NALCN: variants seen among roughly 807,000 people sequenced by gnomAD.
NALCN encodes the protein sodium leak channel, non-selective.
Under a neutral mutation model 225.3 loss-of-function variants are expected in NALCN, and 111 were observed. The ratio of observed to expected loss-of-function variants is 0.49; its 90% CI spans 0.42 to 0.58. The LOEUF is 0.58. NALCN is among the 20% of genes least tolerant of loss of function. NALCN has a pLI of 0.00. For synonymous variants in NALCN, 764 were observed against 769.0 expected, an observed-to-expected ratio of 0.99 and a Z score of 0.11; for missense variants, 1,378 against 2,202.4, an observed-to-expected ratio of 0.63 and a Z score of 7.49.
chr13:101,196,927 T>G (rs1253141045), intron 13 of NALCN, among the ~76,000 whole-genome samples: 1 of 152,194 alleles, frequency 6.6e-6, no homozygotes, highest in East Asian at 1.9e-4. Context: ...CTTCCTGTAC[T>G]CTTGAAGCTT....
intron 15 of NALCN, among the ~76,000 whole-genome samples, chr13:101,152,563 T>G (rs2037703936): frequency 6.6e-6 from 1 of 152,192 alleles, no homozygotes. Context: ...AAGGCTAAGC[T>G]AACCAACAAC....
At chr13:101,136,778 T>C (rs1204349072) in intron 17 of NALCN, among the ~76,000 whole-genome samples, 4 of 152,236 alleles carry the variant, frequency 2.6e-5, no homozygotes, top group African/African-American at 9.6e-5. Context: ...TGTGCATGTG[T>C]CTTTATAGCA....
At chr13:101,095,461 A>C (rs1404277619) in intron 28 of NALCN, 113 bp downstream of exon 28, 1 of 804,088 alleles carries the variant, frequency 1.2e-6, no homozygotes, top group Non-Finnish European at 1.9e-6. Context: ...ACTTAAGATC[A>C]TTTTAACATC....
intron 18 of NALCN, chr13:101,117,075 C>CCTG: frequency 2.2e-6 from 1 of 445,714 alleles, no homozygotes; most frequent in Non-Finnish European, 4.5e-6. Flanking sequence ...CAGCCCTATC[C>CCTG]TGAGTAAATG....
chr13:101,057,860 G>T, intron 43 of NALCN, 79 bp downstream of exon 43: 1 of 1,133,120 alleles, frequency 8.8e-7, no homozygotes, highest in Non-Finnish European at 1.3e-6. Context: ...CATTTTGAAA[G>T]GCAAGACCCA....
chr13:101,383,162 C>T (rs2046896577), intron 3 of NALCN, among the ~76,000 whole-genome samples: 1 of 152,172 alleles, frequency 6.6e-6, no homozygotes, highest in Non-Finnish European at 1.5e-5. Flanking sequence ...CCAACCTTTC[C>T]TTCCAGAGTG....
intron 17 of NALCN, among the ~76,000 whole-genome samples, chr13:101,131,760 G>A (rs1255495569): frequency 1.3e-5 from 2 of 152,116 alleles, no homozygotes; most frequent in African/African-American, 4.8e-5. Context: ...GTGGATTACC[G>A]AGTTTTATGG....
At position 101,237,742 on chromosome 13, in the gene NALCN, T is replaced by C; in HGVS notation, c.1434+13A>G. 6.5e-7 allele frequency: 1 copy of C among 1,545,078 alleles called. No individual in the cohort carries two copies. Among genetic ancestry groups the C allele is most frequent in the South Asian group, 1.3e-5 (1 of 77,720 alleles). ...ATAAATTTCTAAAGACAAATAGGCA[T>C]TATTTTTATTACCTGAAAGTACGTG... On this transcript the variant is annotated intron_variant, in intron 12 of 43. Coordinates refer to ENST00000251127, the MANE Select transcript of NALCN (RefSeq NM_052867.4).
chr13:101,130,724 C>A (rs751638618), intron 17 of NALCN, among the ~76,000 whole-genome samples: 2 of 152,164 alleles, frequency 1.3e-5, no homozygotes, highest in African/African-American at 4.8e-5. Flanking sequence ...GATAATCTAA[C>A]GTTCTTTCCT....
intron 43 of NALCN, among the ~76,000 whole-genome samples, chr13:101,055,961 G>C (rs986228809): frequency 6.6e-6 from 1 of 152,106 alleles, no homozygotes; most frequent in Admixed American, 6.6e-5. Context: ...GCAACCTGTG[G>C]ATATGTAGCT....
chr13:101,076,857 A>G (rs2139482906), intron 34 of NALCN, among the ~76,000 whole-genome samples: 2 of 152,296 alleles, frequency 1.3e-5, no homozygotes, highest in Middle Eastern at 3.4e-3. Context: ...TAGAGAGTCT[A>G]CTTGACTTTT....
intron 12 of NALCN, among the ~76,000 whole-genome samples, chr13:101,231,044 G>A (rs1221546438): frequency 2.0e-5 from 3 of 152,060 alleles, no homozygotes; most frequent in Admixed American, 2.0e-4. Context: ...TGTAGCCTAG[G>A]AGCAATAGGC....
At position 101,065,551 on chromosome 13, in the gene NALCN, G is replaced by C. The variant is rs774852653; in HGVS notation, c.4457C>G (p.Pro1486Arg). The C allele has an allele frequency of 1.9e-6, 3 of 1,614,000 alleles. No homozygotes were observed. Among genetic ancestry groups the C allele is most frequent in the Non-Finnish European group, 2.5e-6 (3 of 1,180,002 alleles). Residue 1486 changes from proline to arginine, a missense_variant, in exon 40 of 44, where the codon CCC (proline) becomes CGC (arginine). This residue lies in a region of NALCN where 94 missense variants were observed against 170.3 expected (regional missense o/e 0.55). Transcript: ENST00000251127. ...CAGCAGGAACTTGACGCGGAACGTGGGGATCACCCCCTGCGGGGCAGAGCA... is the reference window on the plus strand; with the variant it reads ...CAGCAGGAACTTGACGCGGAACGTGCGGATCACCCCCTGCGGGGCAGAGCA... ...MVDDKREGVI[P>R]TFRVKFLLRL...
At chr13:101,077,825 C>T (rs2033359321) in intron 34 of NALCN, among the ~76,000 whole-genome samples, 1 of 152,294 alleles carries the variant, frequency 6.6e-6, no homozygotes, top group Non-Finnish European at 1.5e-5. Context: ...AAGGGCATGC[C>T]AGAGACCTTC....
chr13:101,387,699 A>C (rs1232329808), intron 3 of NALCN, among the ~76,000 whole-genome samples: 1 of 152,194 alleles, frequency 6.6e-6, no homozygotes, highest in African/African-American at 2.4e-5. Context: ...AGTTTTAAAA[A>C]TTATGGTAGA....
chr13:101,262,445 T>C (rs1358058533), intron 10 of NALCN, among the ~76,000 whole-genome samples: 3 of 152,076 alleles, frequency 2.0e-5, no homozygotes, highest in Admixed American at 1.3e-4. Flanking sequence ...AGCAGACCTA[T>C]GGAAAGGAAC....
chr13:101,106,062 A>G (rs2139622664), intron 22 of NALCN, among the ~76,000 whole-genome samples: 1 of 152,310 alleles, frequency 6.6e-6, no homozygotes, highest in Admixed American at 6.5e-5. Flanking sequence ...TCAAGATGCC[A>G]GCTGAGTTGG....
chr13:101,278,086 T>G (rs894204317), intron 10 of NALCN, among the ~76,000 whole-genome samples: 1 of 152,246 alleles, frequency 6.6e-6, no homozygotes, highest in Non-Finnish European at 1.5e-5. Flanking sequence ...AGTAGTTAAA[T>G]GGGAACTCAA....
At chr13:101,180,179 T>G (rs1024257804) in intron 14 of NALCN, among the ~76,000 whole-genome samples, 3 of 151,322 alleles carry the variant, frequency 2.0e-5, no homozygotes, top group African/African-American at 4.8e-5. Context: ...GGGGCCCATT[T>G]AATCCACTAT....
Sources: allele counts gnomAD v4.1 joint callset (sites outside exome capture counted in the v4.1 genomes callset), GRCh38; gene constraint gnomAD v4.1.1; regional missense constraint gnomAD v4.1.1; transcripts MANE v1.5; gene names NCBI Gene and HGNC (gene_info 2026-07-23, HGNC 2026-07-21).